The following ADAM10 variants were observed in gnomAD, a reference collection of about 807,000 sequenced individuals.
ADAM10 encodes ADAM metallopeptidase domain 10.
A neutral mutation model predicts 90.1 loss-of-function variants in ADAM10; 17 were observed. The observed-to-expected ratio is 0.19, with a 90% CI of 0.13 to 0.28. The LOEUF is 0.28. Among genes scored for constraint, ADAM10 ranks in the 10% least tolerant of loss-of-function variants. The pLI is 1.00. For synonymous variants in ADAM10, 310 were observed against 298.6 expected, an observed-to-expected ratio of 1.04 and a Z score of -0.40; for missense variants, 610 against 914.3, an observed-to-expected ratio of 0.67 and a Z score of 4.29.
At chr15:58,627,264 T>C (rs1296775278) in intron 10 of ADAM10, among the ~76,000 whole-genome samples, 4 of 152,278 alleles carry the variant, frequency 2.6e-5, no homozygotes, top group East Asian at 1.9e-4. Context: ...TGAGGGTGTG[T>C]TGGGACAGAG....
rs1894913709 is a variant in ADAM10 at position 58,595,027 on chromosome 15, A to C, written c.*2520T>G. 1 of 152,190 alleles carries C rather than the reference A, an allele frequency of 6.6e-6. No individual in the cohort carries two copies. Among genetic ancestry groups the C allele is most frequent in the Non-Finnish European group, 1.5e-5 (1 of 68,004 alleles). The allele number at this position is 152,190 out of a possible 1,614,324, so 9.4% of individuals were successfully genotyped here. A position where few individuals can be genotyped will look rare whatever the true frequency, so the allele number is the denominator to read the frequency against. The stretch of plus-strand genomic sequence containing the variant: ...GCTATGAAGAGAAAAATGATGGCTC[A>C]AAATTTTAAACAAACTTATCATTAA... On this transcript the variant is annotated 3_prime_UTR_variant, in exon 16 of 16. Coordinates refer to ENST00000260408, the MANE Select transcript of ADAM10 (RefSeq NM_001110.4).
At chr15:58,736,151 ACCAGAAGAGG>A (rs1305020736) in intron 1 of ADAM10, among the ~76,000 whole-genome samples, 2 of 152,082 alleles carry the variant, frequency 1.3e-5, no homozygotes, top group Non-Finnish European at 1.5e-5. Context: ...TAACATCTTC[ACCAGAAGAGG>A]CCATAATGAT....
At chr15:58,642,440 G>A (rs1384757607) in intron 7 of ADAM10, among the ~76,000 whole-genome samples, 1 of 151,852 alleles carries the variant, frequency 6.6e-6, no homozygotes, top group African/African-American at 2.4e-5. Context: ...ACTCCAGCCT[G>A]GGCGACAGAG....
rs746326160 is a variant in ADAM10 at position 58,621,558 on chromosome 15, T to C, written c.1424A>G (p.Tyr475Cys). Residue 475 changes from tyrosine to cysteine, a missense_variant, in exon 11 of 16, where the codon TAT becomes TGT. Tyr to Cys is a radical substitution (Grantham distance 194). Around this residue, in one of 4 missense-constraint regions of ADAM10, gnomAD observed 97 missense variants for 221.4 expected, o/e 0.44. Transcript: ENST00000260408. Reference sequence around the variant, plus strand: ...GCATTCATCTTTACACTGGTCACTATAGCCACAATCACATTCTTCACCTTG... The same window carrying C: ...GCATTCATCTTTACACTGGTCACTACAGCCACAATCACATTCTTCACCTTG... The part of the protein sequence containing the change: ...VEQGEECDCG[Y>C]SDQCKDECCF... 2.5e-6 allele frequency: 4 copies of C among 1,614,038 alleles called. No individual in the cohort carries two copies. The highest frequency in any genetic ancestry group is 2.5e-6 in the Non-Finnish European group (3 of 1,180,018).
At chr15:58,704,526 G>A (rs953063417) in intron 2 of ADAM10, among the ~76,000 whole-genome samples, 2 of 152,102 alleles carry the variant, frequency 1.3e-5, no homozygotes, top group East Asian at 1.9e-4. Flanking sequence ...ACTTAAAAAT[G>A]GTTAAAATGG....
At chr15:58,679,950 A>C (rs964397964) in intron 3 of ADAM10, among the ~76,000 whole-genome samples, 11 of 152,108 alleles carry the variant, frequency 7.2e-5, no homozygotes, top group African/African-American at 2.2e-4. Flanking sequence ...AACTTAAAAG[A>C]AGCAAGCAAA....
At chr15:58,737,479 C>A (rs1224308042) in intron 1 of ADAM10, among the ~76,000 whole-genome samples, 1 of 152,154 alleles carries the variant, frequency 6.6e-6, no homozygotes, top group Non-Finnish European at 1.5e-5. Context: ...AAGGCAAGAT[C>A]TGGCTTCCCT....
At chr15:58,611,557 T>G (rs1895438865) in intron 12 of ADAM10, 2 of 448,304 alleles carry the variant, frequency 4.5e-6, no homozygotes, top group African/African-American at 2.0e-5. Flanking sequence ...TTAAATATTA[T>G]AGACAAATCA....
chr15:58,632,052 G>C (rs1232879770), intron 9 of ADAM10, among the ~76,000 whole-genome samples: 1 of 152,168 alleles, frequency 6.6e-6, no homozygotes, highest in Non-Finnish European at 1.5e-5. Context: ...TTGCACTTTT[G>C]CAAGTGATAA....
At chr15:58,625,142 T>G (rs533722872) in intron 10 of ADAM10, among the ~76,000 whole-genome samples, 148 of 152,100 alleles carry the variant, frequency 9.7e-4, no homozygotes, top group Non-Finnish European at 1.7e-3. Context: ...ATCAATACAA[T>G]AAAAAACTGA....
chr15:58,593,706 CA>C lies in ADAM10; in HGVS notation c.*3840del, dbSNP rs1894879841. The stretch of plus-strand genomic sequence containing the variant: ...CTTTAGTGTAGATTTCAGGAAAAAG[CA>C]AAAACTAATCAGTATTTTGCTCAAT... On this transcript the variant is annotated 3_prime_UTR_variant, in exon 16 of 16. Coordinates refer to ENST00000260408, the MANE Select transcript of ADAM10 (RefSeq NM_001110.4). The C allele has an allele frequency of 6.6e-6, 1 of 151,942 alleles. No homozygotes were observed. The highest frequency in any genetic ancestry group is 2.1e-4 in the South Asian group (1 of 4,818). 9.4% of individuals were successfully genotyped at this position (151,942 alleles called of 1,614,324 possible).
chr15:58,718,584 T>C (rs760827228), intron 1 of ADAM10, among the ~76,000 whole-genome samples: 1 of 152,172 alleles, frequency 6.6e-6, no homozygotes, highest in Non-Finnish European at 1.5e-5. Context: ...AGGCAAGACC[T>C]ATCTCAGTAG....
At chr15:58,689,952 C>CCA (rs1555418398) in intron 2 of ADAM10, among the ~76,000 whole-genome samples, 20,565 of 108,092 alleles carry the variant, frequency 0.19, 2,255 homozygotes, top group East Asian at 0.43. Flanking sequence ...AGACCCCCCC[C>CCA]AAAAAAAAAA....
rs536917457 is a variant in ADAM10 at position 58,596,560 on chromosome 15, A to C, written c.*987T>G. 1.3e-5 allele frequency: 2 copies of C among 152,790 alleles called. No homozygotes were observed. The highest frequency in any genetic ancestry group is 6.5e-5 in the Admixed American group (1 of 15,310). The allele number at this position is 152,790 out of a possible 1,614,324, so 9.5% of individuals were successfully genotyped here. On this transcript the variant is annotated 3_prime_UTR_variant, in exon 16 of 16. Transcript: ENST00000260408. The stretch of plus-strand genomic sequence containing the variant: ...CTTTTCTTTTCCATATCAGACAGAA[A>C]ACATAATTAGCATATTTCAGATATA...
rs1387887275 is a variant in ADAM10, at chr15:58,589,050, A to G, written c.*8497T>C. The G allele has an allele frequency of 6.6e-6, 1 of 152,226 alleles. No individual in the cohort carries two copies. The highest frequency in any genetic ancestry group is 1.5e-5 in the Non-Finnish European group (1 of 68,032). 9.4% of individuals were successfully genotyped at this position (152,226 alleles called of 1,614,324 possible). On this transcript the variant is annotated 3_prime_UTR_variant, in exon 16 of 16. Coordinates refer to ENST00000260408, the MANE Select transcript of ADAM10 (RefSeq NM_001110.4). ...TTAGAATGAGATATGTTAAAAGTTA[A>G]AAATACAGCTGTTGGTAATGTGTTG...
chr15:58,673,270 T>C (rs1003039687), intron 4 of ADAM10, among the ~76,000 whole-genome samples: 11 of 152,140 alleles, frequency 7.2e-5, no homozygotes, highest in Non-Finnish European at 1.2e-4. Context: ...CAGGTTCTTA[T>C]TGGTGCACAG....
chr15:58,729,777 A>T (rs543027946), intron 1 of ADAM10, among the ~76,000 whole-genome samples: 1 of 152,250 alleles, frequency 6.6e-6, no homozygotes, highest in African/African-American at 2.4e-5. Flanking sequence ...AGCCTGGCCA[A>T]CATGGCGAAA....
intron 2 of ADAM10, among the ~76,000 whole-genome samples, chr15:58,688,755 GA>G (rs1194324566): frequency 2.0e-4 from 20 of 101,734 alleles, no homozygotes; most frequent in African/African-American, 7.4e-4. Context: ...TTTCTAAAAT[GA>G]AAAAAAAAAT....
chr15:58,610,180 A>C (rs751646232), intron 14 of ADAM10, 117 bp downstream of exon 14: 4 of 823,470 alleles, frequency 4.9e-6, no homozygotes, highest in African/African-American at 3.4e-5. Flanking sequence ...ATCTTCATAT[A>C]AAGTAATTCT....
Sources: allele counts gnomAD v4.1 joint callset (sites outside exome capture counted in the v4.1 genomes callset), GRCh38; gene constraint gnomAD v4.1.1; regional missense constraint gnomAD v4.1.1; transcripts MANE v1.5; gene names NCBI Gene and HGNC (gene_info 2026-07-23, HGNC 2026-07-21).